UGGT2: variants seen among roughly 807,000 people sequenced by gnomAD.
The protein encoded by UGGT2 is UDP-glucose:glycoprotein glucosyltransferase 2.
Under a neutral mutation model 192.1 loss-of-function variants are expected in UGGT2, and 180 were observed. The ratio of observed to expected loss-of-function variants is 0.94; its 90% CI spans 0.83 to 1.06. The LOEUF is 1.06. Ranked by LOEUF, UGGT2 falls within the 50% of genes least tolerant of loss-of-function variation. UGGT2 has a pLI of 0.00. For synonymous variants in UGGT2, 580 were observed against 591.0 expected, an observed-to-expected ratio of 0.98 and a Z score of 0.27; for missense variants, 1,849 against 1,795.7, an observed-to-expected ratio of 1.03 and a Z score of -0.54.
Position 96,013,385 on chromosome 13 carries a change from T to C in UGGT2, c.582A>G (p.Thr194=), listed in dbSNP as rs748696261. ...VILYAEMGTR[T]FSAFHKVLSE... ...ACAATACTTTGTGAAATGCACTAAA[T>C]GTTCTAGTACCCATTTCGGCATAGA... is the stretch of plus-strand genomic sequence containing the variant. The change falls in exon 5 of 39, where the codon ACA becomes ACG. Residue 194 remains threonine (T), a synonymous_variant. Transcript: ENST00000376747. 3.7e-6 allele frequency: 6 copies of C among 1,606,848 alleles called. No individual in the cohort carries two copies. The South Asian group carries it at 5.6e-5, about 15-fold the overall frequency.
intron 38 of UGGT2, among the ~76,000 whole-genome samples, chr13:95,807,602 G>A (rs1481249003): frequency 6.6e-6 from 1 of 151,736 alleles, no homozygotes; most frequent in East Asian, 1.9e-4. Flanking sequence ...GTCTGGCACT[G>A]GTTCAGAAGC....
At chr13:96,040,721 C>T (rs2053140914) in intron 1 of UGGT2, among the ~76,000 whole-genome samples, 1 of 152,240 alleles carries the variant, frequency 6.6e-6, no homozygotes, top group African/African-American at 2.4e-5. Flanking sequence ...TAAATTGAAC[C>T]ATGATAAGTT....
chr13:95,948,159 G>A, intron 13 of UGGT2, 78 bp from the exon 14 acceptor site: 1 of 1,160,720 alleles, frequency 8.6e-7, no homozygotes, highest in Admixed American at 2.4e-5. Flanking sequence ...TAATTTTTGT[G>A]ACTGAAAGTA....
At chr13:95,832,868 T>C (rs1300315273) in intron 38 of UGGT2, 59 bp downstream of exon 38, 15 of 1,585,624 alleles carry the variant, frequency 9.5e-6, no homozygotes, top group Non-Finnish European at 1.3e-5. Context: ...GTCTGTAGTC[T>C]ATTCTAATCT....
chr13:95,802,584 A>G (rs1257371597), intron 38 of UGGT2, among the ~76,000 whole-genome samples: 1 of 152,214 alleles, frequency 6.6e-6, no homozygotes, highest in Non-Finnish European at 1.5e-5. Context: ...ACAGGGATAG[A>G]CTGCACGAAA....
chr13:95,840,978 C>T (rs1566573270), intron 36 of UGGT2, among the ~76,000 whole-genome samples: 1 of 152,102 alleles, frequency 6.6e-6, no homozygotes, highest in East Asian at 1.9e-4. Flanking sequence ...CATGTTCTCA[C>T]TCATAAGTGG....
intron 10 of UGGT2, among the ~76,000 whole-genome samples, chr13:95,982,684 C>A (rs986180110): frequency 6.6e-6 from 1 of 152,006 alleles, no homozygotes; most frequent in African/African-American, 2.4e-5. Flanking sequence ...CTTTCTTTTG[C>A]GTATTAAGCC....
At chr13:95,949,755 G>C (rs1363604465) in intron 12 of UGGT2, among the ~76,000 whole-genome samples, 1 of 152,144 alleles carries the variant, frequency 6.6e-6, no homozygotes, top group Non-Finnish European at 1.5e-5. Context: ...ACTTAAGAGA[G>C]ATGAATATTT....
At chr13:95,990,909 T>G (rs1289315754) in intron 7 of UGGT2, 1 of 152,364 alleles carries the variant, frequency 6.6e-6, no homozygotes, top group African/African-American at 2.4e-5. Context: ...GTGTGTGATA[T>G]TCCCCTCCCT....
chr13:96,000,134 G>A (rs2051752306), intron 5 of UGGT2, among the ~76,000 whole-genome samples: 1 of 152,158 alleles, frequency 6.6e-6, no homozygotes, highest in African/African-American at 2.4e-5. Context: ...CACATCTCAA[G>A]GGGTTAGAAA....
intron 38 of UGGT2, among the ~76,000 whole-genome samples, chr13:95,823,515 T>C (rs2139812530): frequency 6.6e-6 from 1 of 152,214 alleles, no homozygotes. Context: ...CATTATATAA[T>C]GACCTTGTCT....
rs7996461 is a variant in UGGT2, at chr13:95,814,292, C to T, written c.4529-12480G>A. Among the ~76,000 whole-genome samples the T allele has an allele frequency of 4.4e-3, 670 of 152,282 alleles. 4 individuals are homozygous for T. Among genetic ancestry groups the T allele is most frequent in the African/African-American group, 0.015 (629 of 41,558 alleles). On this transcript the variant is annotated intron_variant, in intron 38 of 38. Transcript: ENST00000376747. ...CAACTCTAGCCTGTGAGAGTAGCCTCGGGGGTTGAACACGGCAAGGCCACA... is the reference window on the plus strand; with the variant it reads ...CAACTCTAGCCTGTGAGAGTAGCCTTGGGGGTTGAACACGGCAAGGCCACA...
At chr13:95,968,163 G>A (rs2140761256) in intron 12 of UGGT2, among the ~76,000 whole-genome samples, 1 of 151,736 alleles carries the variant, frequency 6.6e-6, no homozygotes, top group African/African-American at 2.4e-5. Context: ...GATGTTTTTT[G>A]TTGTTTTCAG....
Position 96,009,682 on chromosome 13 carries a change from C to T in UGGT2, c.660+3625G>A, listed in dbSNP as rs545478981. Among the ~76,000 whole-genome samples, 11 of 152,260 alleles carry T rather than the reference C, an allele frequency of 7.2e-5. No homozygotes were observed. The East Asian group carries it at 2.1e-3, about 29-fold the overall frequency. ...AATTAGCCGGGCATGTTGGTGGATG[C>T]CTGTAATCCCAGCTACTTGGGAGGC... On this transcript the variant is annotated intron_variant, in intron 5 of 38. Coordinates refer to ENST00000376747, the MANE Select transcript of UGGT2 (RefSeq NM_020121.4).
chr13:95,870,532 G>A (rs1347045990), intron 29 of UGGT2, among the ~76,000 whole-genome samples: 2 of 152,158 alleles, frequency 1.3e-5, no homozygotes, highest in African/African-American at 4.8e-5. Flanking sequence ...CAGTTGATGT[G>A]TTGCTGGCAG....
chr13:95,972,455 T>G (rs1057069614), intron 11 of UGGT2, 125 bp downstream of exon 11: 1 of 902,236 alleles, frequency 1.1e-6, no homozygotes, highest in South Asian at 1.8e-5. Flanking sequence ...GAAAGCTGTT[T>G]TGTACAATCA....
intron 4 of UGGT2, among the ~76,000 whole-genome samples, chr13:96,017,566 A>T (rs1161362036): frequency 1.3e-5 from 2 of 152,218 alleles, no homozygotes; most frequent in Non-Finnish European, 2.9e-5. Flanking sequence ...ACACAAAAAC[A>T]GCCTAACACA....
At chr13:95,979,447 G>A (rs1214723363) in intron 10 of UGGT2, among the ~76,000 whole-genome samples, 1 of 148,550 alleles carries the variant, frequency 6.7e-6, no homozygotes, top group Non-Finnish European at 1.5e-5. Context: ...GCTCTTATAG[G>A]CAAAATTTTC....
intron 29 of UGGT2, among the ~76,000 whole-genome samples, chr13:95,867,765 A>G (rs554159048): frequency 1.3e-5 from 2 of 152,298 alleles, no homozygotes; most frequent in African/African-American, 2.4e-5. Context: ...GATATATTGT[A>G]GTGATAATTA....
Sources: gnomAD v4.1 joint callset for allele counts (sites outside exome capture counted in the v4.1 genomes callset) on GRCh38, gnomAD v4.1.1 for gene constraint, MANE v1.5 for transcripts, NCBI Gene and HGNC (gene_info 2026-07-23, HGNC 2026-07-21) for gene names.